DLG1: variants seen among roughly 807,000 people sequenced by gnomAD.
The protein encoded by DLG1 is discs large MAGUK scaffold protein 1.
A neutral mutation model predicts 123.4 loss-of-function variants in DLG1; 42 were observed. The observed-to-expected ratio is 0.34, with a 90% confidence interval of 0.27 to 0.44. The LOEUF (loss-of-function observed/expected upper bound fraction) is 0.44, where lower values mean the gene tolerates loss of function less well. Ranked by LOEUF, DLG1 falls within the 20% of genes least tolerant of loss-of-function variation. The pLI, the probability that DLG1 is intolerant of heterozygous loss-of-function variation, is 1.00. For missense variants in DLG1, 942 were observed against 1,082.6 expected (o/e 0.87, Z 1.82); for synonymous variants, 317 against 356.2 (o/e 0.89, Z 1.24).
intron 6 of DLG1, among the ~76,000 whole-genome samples, chr3:197,146,914 C>T (rs1577063753): frequency 7.9e-5 from 12 of 152,088 alleles, no homozygotes; most frequent in South Asian, 6.2e-4. Context: ...GGACTAATAT[C>T]CAGAATCTAC....
At chr3:197,232,619 T>TGA (rs1350448890) in intron 4 of DLG1, among the ~76,000 whole-genome samples, 1 of 152,100 alleles carries the variant, frequency 6.6e-6, no homozygotes, top group East Asian at 1.9e-4. Flanking sequence ...ATGAACTTGT[T>TGA]AGAAATGCAT....
chr3:197,231,149 C>A (rs1359949587), intron 4 of DLG1, among the ~76,000 whole-genome samples: 1 of 152,114 alleles, frequency 6.6e-6, no homozygotes, highest in Non-Finnish European at 1.5e-5. Flanking sequence ...TGTAAGAGAA[C>A]CATATGGGAT....
intron 4 of DLG1, among the ~76,000 whole-genome samples, chr3:197,206,243 C>T (rs1728456535): frequency 6.6e-6 from 1 of 152,020 alleles, no homozygotes; most frequent in African/African-American, 2.4e-5. Flanking sequence ...TCTAAGATGG[C>T]ATTTAAAAAA....
intron 11 of DLG1, among the ~76,000 whole-genome samples, chr3:197,122,056 C>T (rs1026874074): frequency 2.6e-5 from 4 of 151,842 alleles, no homozygotes; most frequent in Admixed American, 6.6e-5. Flanking sequence ...AGGACACTAT[C>T]GTTAAGTTCA....
chr3:197,138,737 T>C (rs940612088), intron 8 of DLG1, among the ~76,000 whole-genome samples: 1 of 152,210 alleles, frequency 6.6e-6, no homozygotes, highest in Non-Finnish European at 1.5e-5. Flanking sequence ...TATTTAGCAC[T>C]AACCACATGC....
chr3:197,046,295 A>T (rs1722998516), intron 24 of DLG1, among the ~76,000 whole-genome samples: 1 of 152,238 alleles, frequency 6.6e-6, no homozygotes, highest in African/African-American at 2.4e-5. Context: ...AACAGTCAGG[A>T]ACTGACTTGG....
At chr3:197,281,468 A>G (rs1288435014) in intron 4 of DLG1, among the ~76,000 whole-genome samples, 2 of 152,202 alleles carry the variant, frequency 1.3e-5, no homozygotes, top group African/African-American at 2.4e-5. Flanking sequence ...GAGGGGACAC[A>G]TTCAAACCAC....
At chr3:197,192,879 T>C (rs1720403073) in intron 5 of DLG1, among the ~76,000 whole-genome samples, 1 of 152,102 alleles carries the variant, frequency 6.6e-6, no homozygotes. Flanking sequence ...AAATAAGTGA[T>C]ATTATGAATA....
chr3:197,243,279 G>A (rs1749895182), intron 4 of DLG1, among the ~76,000 whole-genome samples: 1 of 152,156 alleles, frequency 6.6e-6, no homozygotes, highest in South Asian at 2.1e-4. Flanking sequence ...TCAGCTACAA[G>A]GTTGGTGGAT....
At chr3:197,200,280 C>A (rs1378785293) in intron 4 of DLG1, among the ~76,000 whole-genome samples, 1 of 152,120 alleles carries the variant, frequency 6.6e-6, no homozygotes, top group Non-Finnish European at 1.5e-5. Context: ...TATTAGTGTG[C>A]AAATATCTCC....
chr3:197,288,422 T>G (rs1772966176), intron 3 of DLG1, among the ~76,000 whole-genome samples: 1 of 145,762 alleles, frequency 6.9e-6, no homozygotes, highest in Admixed American at 6.8e-5. Flanking sequence ...ACACAGTCAC[T>G]TAAAATGGTA....
chr3:197,081,539 T>C (rs567954047), intron 16 of DLG1, among the ~76,000 whole-genome samples: 1 of 152,216 alleles, frequency 6.6e-6, no homozygotes, highest in South Asian at 2.1e-4. Flanking sequence ...GAGAAGGATA[T>C]GTGGACGTTC....
chr3:197,277,452 C>T (rs1038421002), intron 4 of DLG1, among the ~76,000 whole-genome samples: 12 of 152,032 alleles, frequency 7.9e-5, no homozygotes, highest in Admixed American at 6.6e-4. Context: ...GCGATTCTCA[C>T]GTCTCTGCCT....
chr3:197,164,492 C>T (rs7620536), intron 5 of DLG1, among the ~76,000 whole-genome samples: 111,774 of 151,954 alleles, frequency 0.74, 41,211 homozygotes, highest in East Asian at 0.82. Context: ...TAAGGTACTC[C>T]CATAAGGTGT....
At chr3:197,075,661 T>G (rs1206717040) in intron 18 of DLG1, among the ~76,000 whole-genome samples, 1 of 152,162 alleles carries the variant, frequency 6.6e-6, no homozygotes, top group Non-Finnish European at 1.5e-5. Context: ...CAAAAAGTTA[T>G]GTATTACAGA....
intron 5 of DLG1, among the ~76,000 whole-genome samples, chr3:197,180,067 T>TGGGGG (rs60631930): frequency 2.3e-5 from 2 of 87,866 alleles, no homozygotes; most frequent in African/African-American, 8.0e-5. Context: ...GTTTTTTTTT[T>TGGGGG]GGGGGGGGGG....
intron 13 of DLG1, among the ~76,000 whole-genome samples, chr3:197,113,153 C>T (rs1340876935): frequency 6.6e-6 from 1 of 152,136 alleles, no homozygotes; most frequent in African/African-American, 2.4e-5. Context: ...ATTTTCCCTT[C>T]TCTATTGAAC....
chr3:197,075,827 G>A, intron 18 of DLG1: 2 of 1,610,808 alleles, frequency 1.2e-6, no homozygotes, highest in Non-Finnish European at 1.7e-6. Flanking sequence ...GGAGTATTTT[G>A]ATCACTTACT....
chr3:197,112,072 T>C (rs756951188), intron 13 of DLG1, among the ~76,000 whole-genome samples: 55 of 152,240 alleles, frequency 3.6e-4, no homozygotes, highest in Non-Finnish European at 6.6e-4. Context: ...AAAGTTCTTG[T>C]AGTGGTATAC....
Sources: gnomAD v4.1 joint callset for allele counts (sites outside exome capture counted in the v4.1 genomes callset) on GRCh38, gnomAD v4.1.1 for gene constraint, MANE v1.5 for transcripts, NCBI Gene and HGNC (gene_info 2026-07-23, HGNC 2026-07-21) for gene names.